Variants in RUNX3 observed in about 807,000 individuals in gnomAD.
RUNX3 encodes RUNX family transcription factor 3.
Under a neutral mutation model 27.7 loss-of-function variants are expected in RUNX3, and 10 were observed. The observed-to-expected ratio is 0.36, with a 90% CI of 0.22 to 0.61. The LOEUF (loss-of-function observed/expected upper bound fraction) is 0.61, where lower values mean the gene tolerates loss of function less well. Among genes scored for constraint, RUNX3 ranks in the 20% least tolerant of loss-of-function variants. The pLI, the probability that RUNX3 is intolerant of heterozygous loss-of-function variation, is 0.72. For missense variants in RUNX3, 469 were observed against 629.5 expected (o/e 0.75, Z 2.73); for synonymous variants, 270 against 269.2 (o/e 1.00, Z -0.03).
intron 1 of RUNX3, chr1:24,929,060 C>G (rs1440839459): frequency 1.1e-5 from 5 of 457,494 alleles, no homozygotes; most frequent in Non-Finnish European, 2.2e-5. Context: ...GCATAATATC[C>G]CCGAGCAAAC....
At chr1:24,932,843 A>G (rs184249107), upstream of RUNX3, among the ~76,000 whole-genome samples, 3 of 152,238 alleles carry the variant, frequency 2.0e-5, no homozygotes, top group African/African-American at 7.2e-5. Flanking sequence ...TCGATGGACA[A>G]ACAGGCCAGT....
In RUNX3 at chr1:24,929,627, G is replaced by A. The variant is rs757386888; in HGVS notation, c.242C>T (p.Ser81Leu). 13 of 1,609,036 alleles carry A rather than the reference G, an allele frequency of 8.1e-6. No individual in the cohort carries two copies. The highest frequency in any genetic ancestry group is 1.3e-5 in the African/African-American group (1 of 74,956). The change falls in exon 1 of 5, where the codon TCG (serine) becomes TTG (leucine). Residue 81 changes from serine to leucine, a missense_variant. This residue lies in a region of RUNX3 where 75 missense variants were observed against 168.5 expected (regional missense o/e 0.45). Coordinates refer to ENST00000308873, the MANE Select transcript of RUNX3 (RefSeq NM_004350.3). The part of the protein sequence containing the change: ...SPNFLCSVLP[S>L]HWRCNKTLPV... The stretch of plus-strand genomic sequence containing the variant: ...CAGCGTCTTGTTGCAGCGCCAGTGC[G>A]AGGGCAGCACGGAGCAGAGGAAGTT...
Position 24,929,701 on chromosome 1 carries a change from C to T in RUNX3, c.168G>A (p.Val56=). The change falls in exon 1 of 5, where the codon GTG becomes GTA. Residue 56 remains valine, a synonymous_variant. Coordinates refer to ENST00000308873, the MANE Select transcript of RUNX3 (RefSeq NM_004350.3). ...GRARPEVRSM[V]DVLADHAGEL... is the part of the protein sequence containing the mutation. ...CGCCTGCGTGGTCCGCCAGCACGTC[C>T]ACCATCGAGCGCACCTCGGGCCGGG... The T allele has an allele frequency of 1.3e-6, 2 of 1,564,248 alleles. No individual in the cohort carries two copies. Among genetic ancestry groups the T allele is most frequent in the Non-Finnish European group, 1.7e-6 (2 of 1,163,952 alleles).
chr1:24,904,912 G>A lies in RUNX3; in HGVS notation c.704-2246C>T, dbSNP rs1452788243. 6.6e-6 allele frequency among the ~76,000 whole-genome samples: 1 copy of A among 152,218 alleles called. No homozygotes were observed. The highest frequency in any genetic ancestry group is 2.4e-5 in the African/African-American group (1 of 41,462). Reference sequence around the variant, plus strand: ...GGAAACCCGAGCTGCCCGGGGCACTGTCGAGTGGCCAATCCCAACAGTGGA... The same window carrying A: ...GGAAACCCGAGCTGCCCGGGGCACTATCGAGTGGCCAATCCCAACAGTGGA... On this transcript the variant is annotated intron_variant, in intron 4 of 4. Coordinates refer to ENST00000308873, the MANE Select transcript of RUNX3 (RefSeq NM_004350.3). The surrounding 1 kb of genome is among the most constrained non-coding windows in gnomAD (Gnocchi z 5.7).
chr1:24,951,278 G>A (rs1451328645), intron 2 of RUNX3, among the ~76,000 whole-genome samples: 1 of 151,182 alleles, frequency 6.6e-6, no homozygotes, highest in Admixed American at 6.6e-5. Context: ...TTCCCTGCAT[G>A]TGTTGCCATG....
Position 24,900,908 on chromosome 1 carries a change from T to G in RUNX3, c.*1214A>C, listed in dbSNP as rs1441888814. On this transcript the variant is annotated 3_prime_UTR_variant, in exon 5 of 5. Transcript: ENST00000308873. ...GGGGGAGAGGGGGCGGGGATGTTGCTTATAATCACAGAGCTATCATAATCA... is the reference window on the plus strand; with the variant it reads ...GGGGGAGAGGGGGCGGGGATGTTGCGTATAATCACAGAGCTATCATAATCA... The G allele has an allele frequency of 6.6e-6, 1 of 152,156 alleles. No homozygotes were observed. The highest frequency in any genetic ancestry group is 2.4e-5 in the African/African-American group (1 of 41,426). The allele number at this position is 152,156 out of a possible 1,614,324, so 9.4% of individuals were successfully genotyped here.
intron 3 of RUNX3, among the ~76,000 whole-genome samples, chr1:24,912,934 A>G (rs1180100320): frequency 6.6e-6 from 1 of 152,120 alleles, no homozygotes; most frequent in Non-Finnish European, 1.5e-5. Flanking sequence ...CCAGGAGGAT[A>G]GGACTTGGGA....
chr1:24,939,467 A>G (rs1641425317), intron 2 of RUNX3, among the ~76,000 whole-genome samples: 1 of 152,266 alleles, frequency 6.6e-6, no homozygotes. Flanking sequence ...GATAGGCCCC[A>G]TTATATGAGT....
chr1:24,947,586 C>T (rs748237189), intron 2 of RUNX3, among the ~76,000 whole-genome samples: 2 of 152,184 alleles, frequency 1.3e-5, no homozygotes, highest in Non-Finnish European at 2.9e-5. Context: ...CCTGACGGCC[C>T]CAGATGGAGG....
At chr1:24,964,571 T>A in exon 2 of RUNX3, 1 of 1,609,874 alleles carries the variant, frequency 6.2e-7, no homozygotes, top group Non-Finnish European at 8.5e-7. Flanking sequence ...TTCGATGCCA[T>A]GCCCCGCTCT....
rs1640515291 is a variant in RUNX3 at position 24,900,453 on chromosome 1, TTA to T, written c.*1667_*1668del. ...TTAAAATACCGCATGCTGCTAGCCTTTATGAGTTCCCTTACGCCTTTTCTAAG... is the reference window on the plus strand; with the variant it reads ...TTAAAATACCGCATGCTGCTAGCCTTTGAGTTCCCTTACGCCTTTTCTAAG... On this transcript the variant is annotated 3_prime_UTR_variant, in exon 5 of 5. Coordinates refer to ENST00000308873, the MANE Select transcript of RUNX3 (RefSeq NM_004350.3). The T allele has an allele frequency of 6.6e-6, 1 of 152,354 alleles. No homozygotes were observed. The highest frequency in any genetic ancestry group is 2.4e-5 in the African/African-American group (1 of 41,454). 9.4% of individuals were successfully genotyped at this position (152,354 alleles called of 1,614,324 possible).
chr1:24,927,489 G>C lies in RUNX3; in HGVS notation c.439+85C>G. The stretch of plus-strand genomic sequence containing the variant: ...CTGCATCTGGAGACCTGTTTTTCGG[G>C]ATTCTAAGGCCCCTCTTTCAACCTC... On this transcript the variant is annotated intron_variant, in intron 2 of 4. Transcript: ENST00000308873. This position sits in a 1 kb window ranked among gnomAD's most constrained non-coding sequence, Gnocchi z 5.0. 1 of 1,370,222 alleles carries C rather than the reference G, an allele frequency of 7.3e-7. No homozygotes were observed. The highest frequency in any genetic ancestry group is 1.2e-5 in the South Asian group (1 of 82,106). 84.9% of individuals were successfully genotyped at this position (1,370,222 alleles called of 1,614,324 possible).
rs1449447879 is a variant in RUNX3, at chr1:24,901,349, G to A, written c.*773C>T. Reference sequence around the variant, plus strand: ...CCGCCCTGCCAAGAGAACAGAGAGTGGATGCGTTGAGCTGGTAAAGTGCAT... The same window carrying A: ...CCGCCCTGCCAAGAGAACAGAGAGTAGATGCGTTGAGCTGGTAAAGTGCAT... On this transcript the variant is annotated 3_prime_UTR_variant, in exon 5 of 5. Coordinates refer to ENST00000308873, the MANE Select transcript of RUNX3 (RefSeq NM_004350.3). 6.5e-6 allele frequency: 1 copy of A among 152,754 alleles called. No homozygotes were observed. Among genetic ancestry groups the A allele is most frequent in the Non-Finnish European group, 1.5e-5 (1 of 68,090 alleles). 9.5% of individuals were successfully genotyped at this position (152,754 alleles called of 1,614,324 possible).
intron 2 of RUNX3, among the ~76,000 whole-genome samples, chr1:24,920,340 A>G (rs965997153): frequency 6.6e-6 from 1 of 152,106 alleles, no homozygotes; most frequent in East Asian, 1.9e-4. Context: ...TCACGGCAGC[A>G]GAGGGTTGGG....
At chr1:24,903,651 A>G (rs1640609903) in intron 4 of RUNX3, among the ~76,000 whole-genome samples, 1 of 152,156 alleles carries the variant, frequency 6.6e-6, no homozygotes, top group African/African-American at 2.4e-5. Flanking sequence ...AGACAGGGTG[A>G]GGCACTTCCC....
chr1:24,947,973 C>A (rs1209521756), intron 2 of RUNX3, among the ~76,000 whole-genome samples: 2 of 152,224 alleles, frequency 1.3e-5, no homozygotes, highest in Non-Finnish European at 2.9e-5. Flanking sequence ...CACCTTCTCC[C>A]GGGCCAGTTT....
intron 2 of RUNX3, among the ~76,000 whole-genome samples, chr1:24,925,785 T>A: frequency 6.6e-6 from 1 of 151,800 alleles, no homozygotes; most frequent in Non-Finnish European, 1.5e-5. Context: ...AGAGAATGGT[T>A]TATAAACTCA....
intron 2 of RUNX3, among the ~76,000 whole-genome samples, chr1:24,920,579 CT>C (rs969125942): frequency 3.0e-4 from 46 of 152,250 alleles, no homozygotes; most frequent in African/African-American, 1.0e-3. Context: ...GCTTCATGTT[CT>C]TTTACTTTCC....
intron 2 of RUNX3, among the ~76,000 whole-genome samples, chr1:24,937,057 C>T (rs1344500074): frequency 6.6e-6 from 1 of 152,238 alleles, no homozygotes; most frequent in Non-Finnish European, 1.5e-5. Context: ...TTTATGCCGC[C>T]TCTGATGTCC....
Sources: gnomAD v4.1 joint callset for allele counts (sites outside exome capture counted in the v4.1 genomes callset) on GRCh38, gnomAD v4.1.1 for gene constraint, gnomAD v4.1.1 regional missense constraint, Gnocchi (gnomAD v3.1) non-coding constraint, MANE v1.5 for transcripts, NCBI Gene and HGNC (gene_info 2026-07-23, HGNC 2026-07-21) for gene names.